Variants in LRCH3 observed in about 807,000 individuals in gnomAD.
The protein encoded by LRCH3 is leucine rich repeats and calponin homology domain containing 3, also known as DISP complex protein LRCH3.
Under a neutral mutation model 104.5 loss-of-function variants are expected in LRCH3, and 68 were observed. The observed-to-expected ratio is 0.65, with a 90% CI of 0.54 to 0.80. The LOEUF is 0.80. Ranked by LOEUF, LRCH3 falls within the 30% of genes least tolerant of loss-of-function variation. LRCH3 has a pLI of 0.00. For missense variants in LRCH3, 951 were observed against 953.9 expected (o/e 1.00, Z 0.04); for synonymous variants, 344 against 361.3 (o/e 0.95, Z 0.54).
intron 1 of LRCH3, among the ~76,000 whole-genome samples, chr3:197,795,509 A>T (rs1344298330): frequency 6.6e-6 from 1 of 152,054 alleles, no homozygotes; most frequent in Non-Finnish European, 1.5e-5. Context: ...AGACAATAGG[A>T]TGTTAGCCTG....
At chr3:197,830,136 G>C (rs528063105) in intron 6 of LRCH3, among the ~76,000 whole-genome samples, 2 of 152,340 alleles carry the variant, frequency 1.3e-5, no homozygotes, top group East Asian at 3.9e-4. Context: ...AAGGAGTCAA[G>C]AGTTGGATTT....
intron 20 of LRCH3, among the ~76,000 whole-genome samples, chr3:197,878,405 A>C (rs1345829452): frequency 1.3e-5 from 2 of 152,194 alleles, no homozygotes; most frequent in Non-Finnish European, 2.9e-5. Flanking sequence ...GTTATGGGCC[A>C]GCCTGCCCCT....
chr3:197,814,182 C>A (rs1346307786), intron 1 of LRCH3, among the ~76,000 whole-genome samples: 2 of 152,160 alleles, frequency 1.3e-5, no homozygotes, highest in African/African-American at 4.8e-5. Context: ...GCTGGGAAGC[C>A]TCAGAATCAT....
chr3:197,796,384 A>G (rs548934241), intron 1 of LRCH3, among the ~76,000 whole-genome samples: 1 of 152,332 alleles, frequency 6.6e-6, no homozygotes, highest in East Asian at 1.9e-4. Context: ...TAAATCTAGT[A>G]ATCTGGTTGG....
chr3:197,835,959 C>A, intron 9 of LRCH3, 137 bp downstream of exon 9: 1 of 959,280 alleles, frequency 1.0e-6, no homozygotes, highest in Non-Finnish European at 1.5e-6. Context: ...TGATTTCAGT[C>A]CTGAGTTTTT....
At chr3:197,860,198 C>T (rs1201642298) in intron 15 of LRCH3, among the ~76,000 whole-genome samples, 2 of 152,094 alleles carry the variant, frequency 1.3e-5, no homozygotes, top group Non-Finnish European at 2.9e-5. Context: ...AACAAGGTCT[C>T]ACTGTATTGC....
chr3:197,854,460 C>T lies in LRCH3; in HGVS notation c.1644+15C>T. 1 of 1,613,004 alleles carries T rather than the reference C, an allele frequency of 6.2e-7. No homozygotes were observed. Among genetic ancestry groups the T allele is most frequent in the South Asian group, 1.1e-5 (1 of 91,060 alleles). The stretch of plus-strand genomic sequence containing the variant: ...CCTTGTGCATGGTAAGAGTTTTGCA[C>T]AAAACGGAGTTTCGCATTTCTGTGT... On this transcript the variant is annotated intron_variant, in intron 14 of 20. Transcript: ENST00000425562. The surrounding 1 kb of genome is among the most constrained non-coding windows in gnomAD (Gnocchi z 4.5).
intron 20 of LRCH3, chr3:197,880,588 T>A (rs1274434199): frequency 6.5e-7 from 1 of 1,536,596 alleles, no homozygotes; most frequent in African/African-American, 1.4e-5. Context: ...CTCCTTTCTC[T>A]TGGGGCACAC....
intron 1 of LRCH3, among the ~76,000 whole-genome samples, chr3:197,805,367 C>G (rs1010233288): frequency 1.3e-5 from 2 of 152,180 alleles, no homozygotes; most frequent in Non-Finnish European, 2.9e-5. Flanking sequence ...ACAGAAAAAT[C>G]AAGGAGGCTT....
chr3:197,801,595 C>G (rs1560520720), intron 1 of LRCH3, among the ~76,000 whole-genome samples: 1 of 152,150 alleles, frequency 6.6e-6, no homozygotes, highest in Non-Finnish European at 1.5e-5. Context: ...TCTACCATCC[C>G]TCCTCCCCAG....
intron 1 of LRCH3, among the ~76,000 whole-genome samples, chr3:197,799,974 G>A (rs908621846): frequency 6.6e-6 from 1 of 151,562 alleles, no homozygotes; most frequent in Admixed American, 6.6e-5. Context: ...GAGGTCAGGA[G>A]TTCAAGACGA....
Position 197,830,883 on chromosome 3 carries a change from C to T in LRCH3, c.981+20C>T, listed in dbSNP as rs199633960. On this transcript the variant is annotated intron_variant, in intron 7 of 20. Coordinates refer to ENST00000425562, the MANE Select transcript of LRCH3 (RefSeq NM_001365715.1). Reference sequence around the variant, plus strand: ...AATGAAGTAAGTGTTTTTTATGTTCCGTGTGTTATAACACCTGATTAAGAG... The same window carrying T: ...AATGAAGTAAGTGTTTTTTATGTTCTGTGTGTTATAACACCTGATTAAGAG... 1.5e-5 allele frequency: 24 copies of T among 1,559,084 alleles called. No homozygotes were observed. Among genetic ancestry groups the T allele is most frequent in the South Asian group, 7.8e-5 (7 of 89,746 alleles).
At chr3:197,844,640 A>T (rs1274620156) in intron 10 of LRCH3, among the ~76,000 whole-genome samples, 1 of 149,988 alleles carries the variant, frequency 6.7e-6, no homozygotes, top group African/African-American at 2.5e-5. Flanking sequence ...TTTTTCCCAG[A>T]TGGAGCCTCA....
intron 10 of LRCH3, 68 bp from the exon 11 acceptor site, chr3:197,847,341 G>GT: frequency 2.9e-6 from 4 of 1,393,868 alleles, no homozygotes; most frequent in East Asian, 2.4e-5. Context: ...AATTTCATTT[G>GT]TTTTTTATGT....
At chr3:197,809,678 C>G (rs1732901482) in intron 1 of LRCH3, among the ~76,000 whole-genome samples, 1 of 151,806 alleles carries the variant, frequency 6.6e-6, no homozygotes, top group Non-Finnish European at 1.5e-5. Flanking sequence ...CCTCTCTGCC[C>G]TCCGCTCTGC....
chr3:197,822,353 G>T (rs1383050181), intron 4 of LRCH3, among the ~76,000 whole-genome samples: 1 of 152,158 alleles, frequency 6.6e-6, no homozygotes, highest in Non-Finnish European at 1.5e-5. Flanking sequence ...CTGTACTCAG[G>T]ACTCGCCTAC....
At chr3:197,825,502 C>T (rs1167897857) in intron 4 of LRCH3, among the ~76,000 whole-genome samples, 3 of 54,082 alleles carry the variant, frequency 5.5e-5, no homozygotes, top group African/African-American at 2.3e-4. Context: ...TTTTTTGAGA[C>T]AGAGTCTTGC....
chr3:197,844,809 C>T (rs942968131), intron 10 of LRCH3, among the ~76,000 whole-genome samples: 4 of 151,620 alleles, frequency 2.6e-5, no homozygotes, highest in Non-Finnish European at 4.4e-5. Context: ...TTAGTAGAGA[C>T]GGAGTTTCAC....
intron 15 of LRCH3, among the ~76,000 whole-genome samples, chr3:197,862,847 G>A (rs1009830170): frequency 1.3e-5 from 2 of 152,184 alleles, no homozygotes; most frequent in African/African-American, 4.8e-5. Context: ...CACTTAAGAT[G>A]TGAACACACT....
Sources: gnomAD v4.1 joint callset for allele counts (sites outside exome capture counted in the v4.1 genomes callset) on GRCh38, gnomAD v4.1.1 for gene constraint, Gnocchi (gnomAD v3.1) non-coding constraint, MANE v1.5 for transcripts, NCBI Gene and HGNC (gene_info 2026-07-23, HGNC 2026-07-21) for gene names.